CAPRIN1: variants seen among roughly 807,000 people sequenced by gnomAD.
CAPRIN1 encodes cell cycle associated protein 1.
CAPRIN1 carries 29 observed loss-of-function variants against 100.9 expected under a neutral mutation model. That is an observed-to-expected ratio of 0.29 (90% CI 0.21 to 0.39). The LOEUF is 0.39. Among genes scored for constraint, CAPRIN1 ranks in the 10% least tolerant of loss-of-function variants. The pLI is 1.00. For synonymous variants in CAPRIN1, 338 were observed against 307.5 expected (o/e 1.10, Z -1.04); for missense variants, 795 against 876.7 (o/e 0.91, Z 1.18).
In CAPRIN1 at chr11:34,083,757, T is replaced by C. The variant is rs1343413226; in HGVS notation, c.966+716T>C. ...GGGTAATATGCTTTTCCTTTTAATA[T>C]GTTATTCTTATATCAAGACCATTCT... On this transcript the variant is annotated intron_variant, in intron 9 of 18. Coordinates refer to ENST00000341394, the MANE Select transcript of CAPRIN1 (RefSeq NM_005898.5). 2.0e-5 allele frequency among the ~76,000 whole-genome samples: 3 copies of C among 152,192 alleles called. No individual in the cohort carries two copies. The East Asian group carries it at 5.8e-4, about 29-fold the overall frequency.
At chr11:34,072,573 T>C (rs1390761668) in intron 4 of CAPRIN1, among the ~76,000 whole-genome samples, 1 of 152,162 alleles carries the variant, frequency 6.6e-6, no homozygotes, top group Non-Finnish European at 1.5e-5. Flanking sequence ...TTCTCTGCTT[T>C]AGGAACCTTA....
chr11:34,061,365 C>T (rs1306595942), intron 2 of CAPRIN1, among the ~76,000 whole-genome samples: 11 of 152,026 alleles, frequency 7.2e-5, no homozygotes, highest in Admixed American at 1.3e-4. Flanking sequence ...CACCACCGCA[C>T]CCGGCTAATT....
chr11:34,068,632 C>G (rs1476564144), intron 2 of CAPRIN1, among the ~76,000 whole-genome samples: 1 of 152,122 alleles, frequency 6.6e-6, no homozygotes, highest in Non-Finnish European at 1.5e-5. Context: ...GTACTGAAGT[C>G]TGTCAATTTT....
chr11:34,091,427 C>CA (rs1851262983), intron 14 of CAPRIN1, among the ~76,000 whole-genome samples: 1 of 152,130 alleles, frequency 6.6e-6, no homozygotes, highest in African/African-American at 2.4e-5. Flanking sequence ...GCTGACACTC[C>CA]AGGCATAAGC....
In CAPRIN1 at chr11:34,099,499, A is replaced by G. The variant is rs914959473; in HGVS notation, c.*132A>G. The G allele has an allele frequency of 5.4e-6, 4 of 737,288 alleles. No individual in the cohort carries two copies. Among genetic ancestry groups the G allele is most frequent in the African/African-American group, 1.8e-5 (1 of 57,116 alleles). The allele number at this position is 737,288 out of a possible 1,614,324, so 45.7% of individuals were successfully genotyped here. On this transcript the variant is annotated 3_prime_UTR_variant, in exon 19 of 19. Coordinates refer to ENST00000341394, the MANE Select transcript of CAPRIN1 (RefSeq NM_005898.5). ...ATTGTAAAGGGACTGTTTTCATCCC[A>G]TAAAGACAGGACTACAATTGTCAGC... is the stretch of plus-strand genomic sequence containing the variant.
At chr11:34,081,950 T>TA (rs1851040842) in intron 7 of CAPRIN1, among the ~76,000 whole-genome samples, 1 of 151,846 alleles carries the variant, frequency 6.6e-6, no homozygotes, top group Admixed American at 6.6e-5. Flanking sequence ...TAGCTGGTAT[T>TA]ACAGGCACAC....
chr11:34,076,667 A>T, intron 6 of CAPRIN1, 25 bp downstream of exon 6: 1 of 1,443,262 alleles, frequency 6.9e-7, no homozygotes. Flanking sequence ...GATAACTTTG[A>T]TTTTATAACT....
Position 34,052,403 on chromosome 11 carries a change from T to C in CAPRIN1, c.1-18T>C. 6.2e-7 allele frequency: 1 copy of C among 1,600,346 alleles called. No homozygotes were observed. Among genetic ancestry groups the C allele is most frequent in the Non-Finnish European group, 8.5e-7 (1 of 1,173,842 alleles). ...GTCCTTCCTCCCGCTTTTTCTTCTC[T>C]CTCCTTGCGGTCTGAAGATGCCCTC... is the stretch of plus-strand genomic sequence containing the variant. On this transcript the variant is annotated intron_variant, in intron 1 of 18. Transcript: ENST00000341394.
At chr11:34,080,736 T>G (rs1851012485) in intron 7 of CAPRIN1, among the ~76,000 whole-genome samples, 1 of 152,266 alleles carries the variant, frequency 6.6e-6, no homozygotes, top group South Asian at 2.1e-4. Flanking sequence ...ACTAGCTCTG[T>G]AACTTTGGGC....
chr11:34,066,444 C>T (rs568928390), intron 2 of CAPRIN1, among the ~76,000 whole-genome samples: 10 of 151,894 alleles, frequency 6.6e-5, no homozygotes, highest in Non-Finnish European at 1.3e-4. Flanking sequence ...AGCAGTTCTC[C>T]TGCCTCAGCT....
intron 2 of CAPRIN1, among the ~76,000 whole-genome samples, chr11:34,054,528 A>G (rs1850407660): frequency 6.6e-6 from 1 of 152,068 alleles, no homozygotes; most frequent in East Asian, 1.9e-4. Flanking sequence ...CCCGGGTTCA[A>G]GCGATTCTCC....
At chr11:34,053,298 C>T (rs1219357199) in intron 2 of CAPRIN1, 3 of 276,818 alleles carry the variant, frequency 1.1e-5, no homozygotes, top group Non-Finnish European at 1.6e-5. Flanking sequence ...GTTTAGGTGT[C>T]CCCCCGAGCC....
At chr11:34,082,701 T>C (rs562869663) in intron 7 of CAPRIN1, 124 bp from the exon 8 acceptor site, 11 of 696,428 alleles carry the variant, frequency 1.6e-5, no homozygotes, top group East Asian at 8.2e-5. Flanking sequence ...TTTACTCTTA[T>C]TGTTAATAAT....
rs1353466767 is a variant in CAPRIN1 at position 34,100,242 on chromosome 11, A to G, written c.*875A>G. On this transcript the variant is annotated 3_prime_UTR_variant, in exon 19 of 19. Coordinates refer to ENST00000341394, the MANE Select transcript of CAPRIN1 (RefSeq NM_005898.5). Reference sequence around the variant, plus strand: ...GTCACTAATCCTTGGATTTTGCTGTATTGTCACCTAAATTGGTACAGGTAC... The same window carrying G: ...GTCACTAATCCTTGGATTTTGCTGTGTTGTCACCTAAATTGGTACAGGTAC... 2.6e-5 allele frequency: 4 copies of G among 152,182 alleles called. No individual in the cohort carries two copies. The East Asian group carries it at 7.7e-4, about 29-fold the overall frequency. The allele number at this position is 152,182 out of a possible 1,614,324, so 9.4% of individuals were successfully genotyped here.
intron 4 of CAPRIN1, among the ~76,000 whole-genome samples, chr11:34,073,031 C>T (rs1850832993): frequency 1.3e-5 from 2 of 152,186 alleles, no homozygotes; most frequent in Non-Finnish European, 2.9e-5. Context: ...TGTAAGTACA[C>T]TCCATGTTTG....
intron 9 of CAPRIN1, among the ~76,000 whole-genome samples, chr11:34,084,104 T>A (rs1205767244): frequency 1.3e-5 from 2 of 150,840 alleles, no homozygotes; most frequent in Non-Finnish European, 3.0e-5. Context: ...ATTGCAAAGT[T>A]TTTTTTTTTT....
chr11:34,059,476 G>A (rs1232090185), intron 2 of CAPRIN1, among the ~76,000 whole-genome samples: 1 of 152,076 alleles, frequency 6.6e-6, no homozygotes, highest in African/African-American at 2.4e-5. Flanking sequence ...CGCCATGTTG[G>A]CCATGCTGGT....
chr11:34,090,350 T>C (rs1851238229), intron 13 of CAPRIN1, 61 bp downstream of exon 13: 6 of 1,274,368 alleles, frequency 4.7e-6, no homozygotes, highest in South Asian at 1.2e-5. Flanking sequence ...ATTGAACAGA[T>C]GTACATTACC....
chr11:34,086,033 A>G (rs1388361251), intron 9 of CAPRIN1, 31 bp from the exon 10 acceptor site: 1 of 1,605,440 alleles, frequency 6.2e-7, no homozygotes, highest in Non-Finnish European at 8.5e-7. Context: ...TTGCTCTCCT[A>G]TTCCTTCTAA....
Sources: allele counts gnomAD v4.1 joint callset (sites outside exome capture counted in the v4.1 genomes callset), GRCh38; gene constraint gnomAD v4.1.1; transcripts MANE v1.5; gene names NCBI Gene and HGNC (gene_info 2026-07-23, HGNC 2026-07-21).